Variants in ARHGAP10 observed in about 807,000 individuals in gnomAD.
ARHGAP10 encodes rho GTPase-activating protein 10.
A neutral mutation model predicts 108.6 loss-of-function variants in ARHGAP10; 87 were observed. The observed-to-expected ratio is 0.80, with a 90% CI of 0.67 to 0.96. The LOEUF (loss-of-function observed/expected upper bound fraction) is 0.96, where lower values mean the gene tolerates loss of function less well. Ranked by LOEUF, ARHGAP10 falls within the 40% of genes least tolerant of loss-of-function variation. ARHGAP10 has a pLI of 0.00. For synonymous variants in ARHGAP10, 347 were observed against 341.1 expected (o/e 1.02, Z -0.19); for missense variants, 939 against 954.5 (o/e 0.98, Z 0.21).
intron 3 of ARHGAP10, among the ~76,000 whole-genome samples, chr4:147,839,273 A>G (rs1422261759): frequency 6.6e-6 from 1 of 152,220 alleles, no homozygotes; most frequent in East Asian, 1.9e-4. Context: ...ATTGGAAAAC[A>G]GAATTTTCCC....
intron 1 of ARHGAP10, among the ~76,000 whole-genome samples, chr4:147,757,595 C>A (rs1296023728): frequency 6.6e-6 from 1 of 152,218 alleles, no homozygotes; most frequent in Non-Finnish European, 1.5e-5. Context: ...AGCTTTCCAT[C>A]TGCTGTAGCA....
intron 1 of ARHGAP10, among the ~76,000 whole-genome samples, chr4:147,734,994 T>C (rs946729218): frequency 8.5e-5 from 13 of 152,232 alleles, no homozygotes; most frequent in African/African-American, 3.1e-4. Flanking sequence ...CGGTGTCTCC[T>C]GTTTGCATTA....
At chr4:147,932,199 C>G (rs923382175) in intron 13 of ARHGAP10, among the ~76,000 whole-genome samples, 3 of 152,098 alleles carry the variant, frequency 2.0e-5, no homozygotes, top group East Asian at 3.9e-4. Flanking sequence ...AAGGAACACA[C>G]TATCGGTGGG....
intron 1 of ARHGAP10, among the ~76,000 whole-genome samples, chr4:147,787,274 G>A (rs1378343725): frequency 6.6e-6 from 1 of 152,150 alleles, no homozygotes; most frequent in Non-Finnish European, 1.5e-5. Context: ...GATTTGAGAT[G>A]CACTTGGCAC....
chr4:147,895,628 G>A (rs1027412820), intron 10 of ARHGAP10, among the ~76,000 whole-genome samples: 1 of 151,278 alleles, frequency 6.6e-6, no homozygotes, highest in African/African-American at 2.4e-5. Flanking sequence ...CAAAGCTGCA[G>A]TGAGCCATAA....
At chr4:147,878,242 C>T (rs140257308) in intron 8 of ARHGAP10, among the ~76,000 whole-genome samples, 1,815 of 152,190 alleles carry the variant, frequency 0.012, 26 homozygotes, top group African/African-American at 0.038. Context: ...ACTACAGGCG[C>T]GTGCCACCAC....
At chr4:147,991,083 C>G (rs1028211934) in intron 18 of ARHGAP10, among the ~76,000 whole-genome samples, 1 of 151,102 alleles carries the variant, frequency 6.6e-6, no homozygotes, top group Non-Finnish European at 1.5e-5. Context: ...ATAACCTTTA[C>G]ACCAAACCCC....
At chr4:147,826,901 A>G (rs928973623) in intron 3 of ARHGAP10, among the ~76,000 whole-genome samples, 2 of 152,132 alleles carry the variant, frequency 1.3e-5, no homozygotes, top group African/African-American at 2.4e-5. Flanking sequence ...CCCGCCCTCA[A>G]TAACAGTTGG....
chr4:148,025,204 A>G lies in ARHGAP10; in HGVS notation c.1867+1791A>G, dbSNP rs1578802148. On this transcript the variant is annotated intron_variant, in intron 19 of 22. Coordinates refer to ENST00000336498, the MANE Select transcript of ARHGAP10 (RefSeq NM_024605.4). ...GCCTTCCTAACTTGTAGGTGATAAA[A>G]TAATTCGTTAAAATTACTTGATTTT... 3.9e-5 allele frequency among the ~76,000 whole-genome samples: 6 copies of G among 152,342 alleles called. 1 individual carries two copies. Among genetic ancestry groups the G allele is most frequent in the Admixed American group, 3.9e-4 (6 of 15,306 alleles).
intron 1 of ARHGAP10, among the ~76,000 whole-genome samples, chr4:147,816,968 C>T (rs1453206537): frequency 2.0e-5 from 3 of 152,142 alleles, no homozygotes; most frequent in African/African-American, 4.8e-5. Flanking sequence ...GAGTCAGGGG[C>T]AGCTCCCTCA....
At chr4:147,787,216 C>T (rs781344832) in intron 1 of ARHGAP10, among the ~76,000 whole-genome samples, 1 of 152,152 alleles carries the variant, frequency 6.6e-6, no homozygotes, top group Non-Finnish European at 1.5e-5. Flanking sequence ...TCAGGTGTGA[C>T]ATTCTGGTAG....
chr4:147,974,013 T>C (rs1739505362), intron 18 of ARHGAP10, among the ~76,000 whole-genome samples: 1 of 152,156 alleles, frequency 6.6e-6, no homozygotes, highest in South Asian at 2.1e-4. Flanking sequence ...AGTGCAGATA[T>C]CTCTTTGATA....
intron 21 of ARHGAP10, among the ~76,000 whole-genome samples, chr4:148,064,197 G>C (rs568901600): frequency 1.3e-5 from 2 of 152,310 alleles, no homozygotes; most frequent in Admixed American, 1.3e-4. Flanking sequence ...GCTCCTCAGA[G>C]AGGCTCCCTG....
intron 8 of ARHGAP10, 106 bp downstream of exon 8, chr4:147,875,256 C>A: frequency 8.0e-7 from 1 of 1,242,692 alleles, no homozygotes; most frequent in Non-Finnish European, 1.1e-6. Context: ...TTATTCCTAC[C>A]TCTTTCTCTC....
In ARHGAP10 at chr4:147,745,703, G is replaced by C. The variant is rs543970029; in HGVS notation, c.154+13248G>C. Among the ~76,000 whole-genome samples the C allele has an allele frequency of 2.0e-5, 3 of 152,084 alleles. No homozygotes were observed. In the South Asian group the frequency reaches 6.2e-4, roughly 32 times the overall value. ...AGACGGGGTTTCACCGTGTTAGCCA[G>C]GATGGTCTCCATCTCCTGACCTCTT... On this transcript the variant is annotated intron_variant, in intron 1 of 22. Transcript: ENST00000336498.
intron 3 of ARHGAP10, among the ~76,000 whole-genome samples, chr4:147,831,041 C>T (rs931149929): frequency 6.6e-6 from 1 of 152,204 alleles, no homozygotes; most frequent in Non-Finnish European, 1.5e-5. Flanking sequence ...CATTCTCAGG[C>T]CCACCCCAGA....
intron 1 of ARHGAP10, among the ~76,000 whole-genome samples, chr4:147,782,889 CAT>C (rs1730594357): frequency 7.3e-6 from 1 of 137,770 alleles, no homozygotes; most frequent in African/African-American, 2.6e-5. Context: ...ATATATATAA[CAT>C]ATATTACGTA....
chr4:147,759,486 A>G (rs1729507971), intron 1 of ARHGAP10, among the ~76,000 whole-genome samples: 1 of 152,008 alleles, frequency 6.6e-6, no homozygotes. Flanking sequence ...AGGTGGGAGA[A>G]TCCCTTTAGG....
intron 1 of ARHGAP10, among the ~76,000 whole-genome samples, chr4:147,784,832 ATATAT>A (rs1286587737): frequency 5.3e-4 from 6 of 11,270 alleles, no homozygotes; most frequent in African/African-American, 5.5e-4. Flanking sequence ...TATATTATAA[ATATAT>A]TATAAAATAT....
Sources: allele counts gnomAD v4.1 joint callset (sites outside exome capture counted in the v4.1 genomes callset), GRCh38; gene constraint gnomAD v4.1.1; transcripts MANE v1.5; gene names NCBI Gene and HGNC (gene_info 2026-07-23, HGNC 2026-07-21).